The following SGTB variants were observed in gnomAD, a reference collection of about 807,000 sequenced individuals.
SGTB encodes the protein small glutamine-rich tetratricopeptide repeat-containing protein beta.
SGTB carries 19 observed loss-of-function variants against 43.9 expected under a neutral mutation model. That is an observed-to-expected ratio of 0.43 (90% CI 0.30 to 0.63). The LOEUF (loss-of-function observed/expected upper bound fraction) is 0.63, where lower values mean the gene tolerates loss of function less well. Among genes scored for constraint, SGTB ranks in the 30% least tolerant of loss-of-function variants. The pLI, the probability that SGTB is intolerant of heterozygous loss-of-function variation, is 0.12. For synonymous variants in SGTB, 116 were observed against 117.3 expected (o/e 0.99, Z 0.07); for missense variants, 304 against 358.9 (o/e 0.85, Z 1.24).
At chr5:65,696,456 C>T (rs1757716383) in intron 5 of SGTB, among the ~76,000 whole-genome samples, 1 of 152,160 alleles carries the variant, frequency 6.6e-6, no homozygotes, top group Non-Finnish European at 1.5e-5. Flanking sequence ...GTGTTTTAGA[C>T]CTATACTCAA....
chr5:65,668,742 G>GGA lies in SGTB; in HGVS notation c.*1503_*1504insTC, dbSNP rs554591874. 7.5e-6 allele frequency: 1 copy of GGA among 133,166 alleles called. No individual in the cohort carries two copies. The highest frequency in any genetic ancestry group is 2.8e-5 in the African/African-American group (1 of 35,300). 8.2% of individuals were successfully genotyped at this position (133,166 alleles called of 1,614,324 possible). ...GCGACAGAGAGAGACTCCATCTCAA[G>GGA]AAAAAAAAAAAAAAAATTAGCTGGG... On this transcript the variant is annotated 3_prime_UTR_variant, in exon 11 of 11. Coordinates refer to ENST00000381007, the MANE Select transcript of SGTB (RefSeq NM_019072.3).
chr5:65,716,007 T>C (rs1758140894), intron 2 of SGTB, among the ~76,000 whole-genome samples: 1 of 152,208 alleles, frequency 6.6e-6, no homozygotes, highest in Admixed American at 6.5e-5. Context: ...CGACCTCAAG[T>C]GATCCGCCCG....
At chr5:65,718,079 A>C (rs931764822) in intron 2 of SGTB, among the ~76,000 whole-genome samples, 2 of 152,192 alleles carry the variant, frequency 1.3e-5, no homozygotes, top group African/African-American at 4.8e-5. Context: ...AATCTTGGAA[A>C]GACAGGCAAT....
intron 4 of SGTB, 70 bp downstream of exon 4, chr5:65,708,419 C>A: frequency 7.5e-7 from 1 of 1,328,874 alleles, no homozygotes; most frequent in Non-Finnish European, 1.1e-6. Context: ...AGAACTATAT[C>A]AATTGACAGT....
At chr5:65,710,889 G>A (rs964891416) in intron 3 of SGTB, among the ~76,000 whole-genome samples, 9 of 151,862 alleles carry the variant, frequency 5.9e-5, no homozygotes, top group East Asian at 1.9e-4. Context: ...CCAGCTATTC[G>A]GGAGGCTGAG....
At chr5:65,694,419 A>C (rs1456539745) in intron 5 of SGTB, among the ~76,000 whole-genome samples, 1 of 152,058 alleles carries the variant, frequency 6.6e-6, no homozygotes, top group African/African-American at 2.4e-5. Context: ...GTGACAAGGA[A>C]AAAAAAGAAA....
At chr5:65,712,498 T>A (rs563438778) in intron 3 of SGTB, among the ~76,000 whole-genome samples, 27 of 152,196 alleles carry the variant, frequency 1.8e-4, no homozygotes, top group Non-Finnish European at 3.5e-4. Flanking sequence ...AGGAGCCCCA[T>A]CAATGGGCAA....
intron 5 of SGTB, among the ~76,000 whole-genome samples, chr5:65,702,291 G>C (rs554700546): frequency 1.3e-5 from 2 of 152,122 alleles, no homozygotes; most frequent in African/African-American, 2.4e-5. Flanking sequence ...TATGTGTCTC[G>C]GGTGGAAGTA....
intron 2 of SGTB, 48 bp from the exon 3 acceptor site, chr5:65,713,112 G>A (rs1579886368): frequency 7.2e-7 from 1 of 1,396,516 alleles, no homozygotes; most frequent in South Asian, 1.3e-5. Context: ...TTTTAAAAAA[G>A]AAACAAGTTT....
chr5:65,719,452 G>C (rs1159743302), intron 2 of SGTB, among the ~76,000 whole-genome samples: 1 of 152,044 alleles, frequency 6.6e-6, no homozygotes, highest in East Asian at 1.9e-4. Context: ...ACTTAGCCGG[G>C]TGTGGTAGTG....
chr5:65,705,949 T>C (rs1300589042), intron 4 of SGTB, among the ~76,000 whole-genome samples: 2 of 151,744 alleles, frequency 1.3e-5, no homozygotes, highest in Admixed American at 6.6e-5. Flanking sequence ...AGTGGGAGGA[T>C]TGCTTGAGCC....
In SGTB at chr5:65,718,855, G is replaced by A. The variant is rs937097473; in HGVS notation, c.100+1853C>T. The stretch of plus-strand genomic sequence containing the variant: ...AAAATAGGACATAACATCTTGGTTT[G>A]AAAAAAAAACCCTCAATTTTCTTTC... On this transcript the variant is annotated intron_variant, in intron 2 of 10. Transcript: ENST00000381007. 4.4e-4 allele frequency among the ~76,000 whole-genome samples: 67 copies of A among 150,632 alleles called. 1 individual carries two copies. The highest frequency in any genetic ancestry group is 3.3e-4 in the Non-Finnish European group (22 of 67,674).
chr5:65,685,801 C>G (rs933171954), intron 5 of SGTB, among the ~76,000 whole-genome samples: 1 of 152,198 alleles, frequency 6.6e-6, no homozygotes, highest in Non-Finnish European at 1.5e-5. Flanking sequence ...ATCTTGGCTA[C>G]TATGGAGGCA....
chr5:65,685,698 C>CTA (rs902926319), intron 5 of SGTB, among the ~76,000 whole-genome samples: 7 of 152,048 alleles, frequency 4.6e-5, no homozygotes, highest in African/African-American at 1.7e-4. Context: ...GTTTGCTTTG[C>CTA]TATAGAAAGG....
rs550775119 is a variant in SGTB, at chr5:65,677,537, A to C, written c.681+2957T>G. On this transcript the variant is annotated intron_variant, in intron 8 of 10. Transcript: ENST00000381007. ...AAAACCTGGCAGAGATACAATAACA[A>C]AAAAGAAAACTTCAGGCCAATATCC... is the stretch of plus-strand genomic sequence containing the variant. Among the ~76,000 whole-genome samples, 39 of 152,272 alleles carry C rather than the reference A, an allele frequency of 2.6e-4. No individual in the cohort carries two copies. The South Asian group carries it at 7.9e-3, about 31-fold the overall frequency.
At chr5:65,710,995 CAAAAAAAA>C (rs982877268) in intron 3 of SGTB, among the ~76,000 whole-genome samples, 2 of 93,186 alleles carry the variant, frequency 2.1e-5, no homozygotes, top group Non-Finnish European at 2.1e-5. Flanking sequence ...GACTCTGTCT[CAAAAAAAA>C]AAAAAAAAAA....
chr5:65,689,157 C>T (rs1430949074), intron 5 of SGTB, among the ~76,000 whole-genome samples: 1 of 152,140 alleles, frequency 6.6e-6, no homozygotes, highest in East Asian at 1.9e-4. Context: ...TTAATAAATG[C>T]ATATTCATGC....
intron 2 of SGTB, among the ~76,000 whole-genome samples, chr5:65,720,397 C>A (rs1384410891): frequency 1.3e-5 from 2 of 152,026 alleles, no homozygotes; most frequent in Non-Finnish European, 2.9e-5. Context: ...TTTATTTTCT[C>A]ACTTGTTAAA....
At chr5:65,704,135 G>C (rs1376112597) in intron 5 of SGTB, 144 bp downstream of exon 5, 3 of 460,198 alleles carry the variant, frequency 6.5e-6, no homozygotes, top group Non-Finnish European at 1.1e-5. Context: ...TGAGTGGTAA[G>C]TTGGTTAAGT....
Sources: gnomAD v4.1 joint callset for allele counts (sites outside exome capture counted in the v4.1 genomes callset) on GRCh38, gnomAD v4.1.1 for gene constraint, MANE v1.5 for transcripts, NCBI Gene and HGNC (gene_info 2026-07-23, HGNC 2026-07-21) for gene names.